Variants in DYNC2LI1 observed in about 807,000 individuals in gnomAD.
DYNC2LI1 encodes the protein cytoplasmic dynein 2 light intermediate chain 1.
Under a neutral mutation model 51.9 loss-of-function variants are expected in DYNC2LI1, and 45 were observed. The ratio of observed to expected loss-of-function variants is 0.87; its 90% CI spans 0.68 to 1.11. The LOEUF (loss-of-function observed/expected upper bound fraction) is 1.11, where lower values mean the gene tolerates loss of function less well. Ranked by LOEUF, DYNC2LI1 falls within the 50% of genes most tolerant of loss-of-function variation. DYNC2LI1 has a pLI of 0.00. For missense variants in DYNC2LI1, 490 were observed against 417.4 expected (o/e 1.17, Z -1.51); for synonymous variants, 130 against 137.8 (o/e 0.94, Z 0.40).
chr2:43,821,555 C>T, the DYNC2LI1 span, among the ~76,000 whole-genome samples: 14 of 152,258 alleles, frequency 9.2e-5, no homozygotes, highest in Non-Finnish European at 1.9e-4. Flanking sequence ...CCCCTTCTGC[C>T]ATTCTTTGCC....
intron 12 of DYNC2LI1, among the ~76,000 whole-genome samples, chr2:43,806,141 C>G (rs1460517489): frequency 1.3e-5 from 2 of 152,136 alleles, no homozygotes; most frequent in Middle Eastern, 3.2e-3. Flanking sequence ...CTTGGCCTCC[C>G]AAAGTGCTGG....
chr2:43,823,900 C>T, the DYNC2LI1 span: 43 of 1,612,878 alleles, frequency 2.7e-5, no homozygotes, highest in Admixed American at 6.0e-4. Context: ...ACCTCCAGCA[C>T]GTGGGCACTT....
chr2:43,823,598 G>A, the DYNC2LI1 span, among the ~76,000 whole-genome samples: 5 of 152,134 alleles, frequency 3.3e-5, no homozygotes, highest in Admixed American at 6.5e-5. Flanking sequence ...AGCACCCCAT[G>A]GGCTGTGCAT....
downstream of DYNC2LI1, among the ~76,000 whole-genome samples, chr2:43,811,883 C>T (rs367566316): frequency 3.0e-4 from 46 of 152,112 alleles, no homozygotes; most frequent in South Asian, 4.1e-4. Flanking sequence ...CATGAGCCAC[C>T]GCGCCTGGCC....
intron 2 of DYNC2LI1, 43 bp downstream of exon 2, chr2:43,776,942 C>A: frequency 9.8e-7 from 1 of 1,020,944 alleles, no homozygotes; most frequent in Non-Finnish European, 1.5e-6. Flanking sequence ...ATTTAACAAC[C>A]ATTGGTAAAA....
Position 43,774,112 on chromosome 2 carries a change from A to T in DYNC2LI1, c.-27A>T. 2 of 1,613,780 alleles carry T rather than the reference A, an allele frequency of 1.2e-6. No homozygotes were observed. Among genetic ancestry groups the T allele is most frequent in the Admixed American group, 3.3e-5 (2 of 60,018 alleles). On this transcript the variant is annotated 5_prime_UTR_variant, in exon 1 of 13. Transcript: ENST00000260605. ...GGCTGGTCACTACTCCGAGCCTGTG[A>T]CGTTTGCGGCAGCCAGGCCGTCGAC...
At position 43,809,723 on chromosome 2, in the gene DYNC2LI1, AG is replaced by A. The variant is rs1281191616; in HGVS notation, c.1013del (p.Arg338LysfsTer47). The A allele has an allele frequency of 6.2e-7, 1 of 1,612,220 alleles. No individual in the cohort carries two copies. Among genetic ancestry groups the A allele is most frequent in the South Asian group, 1.1e-5 (1 of 90,696 alleles). ...GTTTTAGGAACTGGAACAGTACAAA[AG>A]AAGTTCTTCCAAGTCTTGGAAACAA... ...QKDLELEQYKRSSSKSWKQIE... is the reference protein window; with the variant it reads ...QKDLELEQYKXSSSKSWKQIE... On this transcript the variant is annotated frameshift_variant, in exon 13 of 13. Transcript: ENST00000260605. LOFTEE classifies it high-confidence loss of function.
At chr2:43,776,753 C>A in intron 1 of DYNC2LI1, 29 bp from the exon 2 acceptor site, 1 of 1,014,282 alleles carries the variant, frequency 9.9e-7, no homozygotes. Context: ...CTTTTTCCCT[C>A]AATTTTGTTT....
chr2:43,826,189 G>A, the DYNC2LI1 span, among the ~76,000 whole-genome samples: 1 of 150,104 alleles, frequency 6.7e-6, no homozygotes, highest in Non-Finnish European at 1.5e-5. Flanking sequence ...TTAGAGATGG[G>A]GAGTCTCACT....
downstream of DYNC2LI1, chr2:43,812,605 G>T (rs547604287): frequency 1.7e-5 from 3 of 173,430 alleles, no homozygotes; most frequent in Non-Finnish European, 3.7e-5. Flanking sequence ...GACCCCTCGT[G>T]TGGACATCTG....
intron 3 of DYNC2LI1, among the ~76,000 whole-genome samples, chr2:43,784,397 T>C (rs543248029): frequency 6.6e-6 from 1 of 152,244 alleles, no homozygotes; most frequent in South Asian, 2.1e-4. Flanking sequence ...TAGGATAAAA[T>C]ACTACAAAAT....
chr2:43,784,402 C>T (rs1192816726), intron 3 of DYNC2LI1, among the ~76,000 whole-genome samples: 1 of 152,012 alleles, frequency 6.6e-6, no homozygotes, highest in Admixed American at 6.6e-5. Flanking sequence ...TAAAATACTA[C>T]AAAATAGTAC....
At chr2:43,809,673 T>G (rs1572728919) in intron 12 of DYNC2LI1, 32 bp from the exon 13 acceptor site, 1 of 1,548,570 alleles carries the variant, frequency 6.5e-7, no homozygotes, top group Non-Finnish European at 8.8e-7. Context: ...TAAAGTTGAT[T>G]TTTCTTAAAG....
chr2:43,805,306 C>G, intron 12 of DYNC2LI1, 60 bp downstream of exon 12: 1 of 1,058,010 alleles, frequency 9.5e-7, no homozygotes, highest in Non-Finnish European at 1.4e-6. Context: ...CCTGGGGTGC[C>G]TTGGGAATTC....
chr2:43,820,135 A>C, the DYNC2LI1 span: 1 of 1,599,530 alleles, frequency 6.3e-7, no homozygotes, highest in Non-Finnish European at 8.5e-7. Context: ...TTCCTCTCCA[A>C]GGGCTATCAT....
intron 5 of DYNC2LI1, 79 bp downstream of exon 5, chr2:43,789,800 C>T (rs1158871133): frequency 6.9e-6 from 9 of 1,301,876 alleles, no homozygotes; most frequent in Non-Finnish European, 9.7e-6. Flanking sequence ...TTTTCTCAGT[C>T]AGAATTTTGG....
chr2:43,825,054 C>T, the DYNC2LI1 span: 2 of 1,610,248 alleles, frequency 1.2e-6, no homozygotes, highest in South Asian at 2.2e-5. Flanking sequence ...TGTGTGATCA[C>T]AAGGGTAGCG....
chr2:43,822,955 T>G, the DYNC2LI1 span: 1 of 1,613,018 alleles, frequency 6.2e-7, no homozygotes, highest in East Asian at 2.2e-5. Context: ...GAAGGCAGGT[T>G]TCAGAACAGT....
chr2:43,825,583 T>C, the DYNC2LI1 span, among the ~76,000 whole-genome samples: 2 of 151,906 alleles, frequency 1.3e-5, no homozygotes, highest in Non-Finnish European at 2.9e-5. Flanking sequence ...TGATCTTGGC[T>C]TAATTTGTTG....
Sources: allele counts gnomAD v4.1 joint callset (sites outside exome capture counted in the v4.1 genomes callset), GRCh38; gene constraint gnomAD v4.1.1; transcripts MANE v1.5; gene names NCBI Gene and HGNC (gene_info 2026-07-23, HGNC 2026-07-21).